The following NUDT5 variants were observed in gnomAD, a reference collection of about 807,000 sequenced individuals.
NUDT5 encodes the protein ADP-sugar pyrophosphatase.
NUDT5 carries 21 observed loss-of-function variants against 34.1 expected under a neutral mutation model. The ratio of observed to expected loss-of-function variants is 0.62; its 90% CI spans 0.44 to 0.89. The LOEUF (loss-of-function observed/expected upper bound fraction) is 0.89, where lower values mean the gene tolerates loss of function less well. Among genes scored for constraint, NUDT5 ranks in the 40% least tolerant of loss-of-function variants. The pLI, the probability that NUDT5 is intolerant of heterozygous loss-of-function variation, is 0.00. For missense variants in NUDT5, 249 were observed against 274.8 expected, an observed-to-expected ratio of 0.91 and a Z score of 0.66; for synonymous variants, 85 against 97.6, an observed-to-expected ratio of 0.87 and a Z score of 0.76.
Position 12,167,586 on chromosome 10 carries a change from TTTTA to T in NUDT5, c.*112_*115del. 1 of 999,750 alleles carries T rather than the reference TTTTA, an allele frequency of 1.0e-6. No individual in the cohort carries two copies. The highest frequency in any genetic ancestry group is 2.5e-5 in the East Asian group (1 of 40,500). 61.9% of individuals were successfully genotyped at this position (999,750 alleles called of 1,614,324 possible). ...TACCACCACCACATCTGTTCTGTGCTTTTATTTTACGAAAAAGCTAATGGCAAAT... is the reference window on the plus strand; with the variant it reads ...TACCACCACCACATCTGTTCTGTGCTTTTTACGAAAAAGCTAATGGCAAAT... On this transcript the variant is annotated 3_prime_UTR_variant, in exon 10 of 10. Coordinates refer to ENST00000491614, the MANE Select transcript of NUDT5 (RefSeq NM_014142.4).
intron 1 of NUDT5, among the ~76,000 whole-genome samples, chr10:12,186,621 TTTTTTTTTTTC>T (rs1390914107): frequency 7.9e-6 from 1 of 126,202 alleles, no homozygotes; most frequent in African/African-American, 2.9e-5. Flanking sequence ...GATTTTTCTT[TTTTTTTTTTTC>T]TTTTTTGTTT....
At chr10:12,188,478 A>G (rs567023394) in intron 1 of NUDT5, among the ~76,000 whole-genome samples, 83 of 152,316 alleles carry the variant, frequency 5.4e-4, no homozygotes, top group African/African-American at 2.0e-3. Flanking sequence ...CACGCCTACA[A>G]TCCCAGCACT....
chr10:12,194,886 G>C (rs1044896933), intron 1 of NUDT5, among the ~76,000 whole-genome samples: 1 of 58,338 alleles, frequency 1.7e-5, no homozygotes, highest in African/African-American at 7.7e-5. Flanking sequence ...GGTAGGCCCG[G>C]GGCCGTGGCT....
intron 1 of NUDT5, among the ~76,000 whole-genome samples, chr10:12,192,831 A>G (rs1376921964): frequency 6.6e-6 from 1 of 152,184 alleles, no homozygotes; most frequent in Non-Finnish European, 1.5e-5. Flanking sequence ...AGCCTGGGCG[A>G]CAGAGCGAGA....
chr10:12,177,316 G>C (rs549699131), intron 5 of NUDT5, among the ~76,000 whole-genome samples: 2 of 151,998 alleles, frequency 1.3e-5, no homozygotes, highest in South Asian at 4.2e-4. Flanking sequence ...TCAGGAGATC[G>C]AGACCATCCT....
Position 12,170,893 on chromosome 10 carries a change from A to G in NUDT5, c.496+7T>C. The stretch of plus-strand genomic sequence containing the variant: ...CACGCTCGGCCACCAGGAGTTGCAG[A>G]ACATACCTCCATCCCCTGGAAATAA... On this transcript the variant is annotated splice_region_variant and intron_variant, in intron 8 of 9. Transcript: ENST00000491614. The surrounding 1 kb of genome is among the most constrained non-coding windows in gnomAD (Gnocchi z 4.9). 2 of 1,613,978 alleles carry G rather than the reference A, an allele frequency of 1.2e-6. No individual in the cohort carries two copies. The highest frequency in any genetic ancestry group is 1.7e-6 in the Non-Finnish European group (2 of 1,179,918).
intron 2 of NUDT5, 58 bp from the exon 3 acceptor site, chr10:12,185,014 A>G: frequency 1.1e-6 from 1 of 910,380 alleles, no homozygotes; most frequent in Non-Finnish European, 1.8e-6. Context: ...TTTTTATCTA[A>G]AAGGGTTTTT....
chr10:12,185,909 G>A (rs1340453313), intron 2 of NUDT5, among the ~76,000 whole-genome samples: 1 of 152,166 alleles, frequency 6.6e-6, no homozygotes, highest in Admixed American at 6.6e-5. Flanking sequence ...CAGCCAAGTT[G>A]TGACAACTAC....
At chr10:12,190,606 C>CT (rs1013405393) in intron 1 of NUDT5, among the ~76,000 whole-genome samples, 3,939 of 127,964 alleles carry the variant, frequency 0.031, 166 homozygotes, top group African/African-American at 0.075. Flanking sequence ...ATGATAAAGC[C>CT]TTTTTTTTTT....
rs946904821 is a variant in NUDT5 at position 12,175,046 on chromosome 10, G to A, written c.290-1233C>T. ...ATTAAAAAATATAATAAGGCTGGGC[G>A]TGGCGGCCCACACCTGTAACCCCAG... On this transcript the variant is annotated intron_variant, in intron 5 of 9. Coordinates refer to ENST00000491614, the MANE Select transcript of NUDT5 (RefSeq NM_014142.4). This position sits in a 1 kb window ranked among gnomAD's most constrained non-coding sequence, Gnocchi z 4.8. Among the ~76,000 whole-genome samples the A allele has an allele frequency of 1.3e-5, 2 of 152,196 alleles. No homozygotes were observed. Among genetic ancestry groups the A allele is most frequent in the Non-Finnish European group, 2.9e-5 (2 of 68,042 alleles).
In NUDT5 at chr10:12,171,208, A is replaced by C. The variant is rs1834845666; in HGVS notation, c.488-300T>G. On this transcript the variant is annotated intron_variant, in intron 7 of 9. Coordinates refer to ENST00000491614, the MANE Select transcript of NUDT5 (RefSeq NM_014142.4). The surrounding 1 kb of genome is among the most constrained non-coding windows in gnomAD (Gnocchi z 4.2). Reference sequence around the variant, plus strand: ...TACCTTTTAACCACTATGAAGGTACAATTCAGTAGCATTAAATAACATTCA... The same window carrying C: ...TACCTTTTAACCACTATGAAGGTACCATTCAGTAGCATTAAATAACATTCA... 6.6e-6 allele frequency among the ~76,000 whole-genome samples: 1 copy of C among 152,218 alleles called. No homozygotes were observed. Among genetic ancestry groups the C allele is most frequent in the South Asian group, 2.1e-4 (1 of 4,828 alleles).
intron 3 of NUDT5, among the ~76,000 whole-genome samples, chr10:12,183,189 G>C (rs1040562963): frequency 5.9e-5 from 9 of 152,178 alleles, no homozygotes; most frequent in Admixed American, 4.6e-4. Flanking sequence ...AACATATGGT[G>C]CTCCCTAAGA....
At chr10:12,193,143 G>C (rs139064517) in intron 1 of NUDT5, among the ~76,000 whole-genome samples, 114 of 152,282 alleles carry the variant, frequency 7.5e-4, no homozygotes, top group African/African-American at 2.5e-3. Context: ...GTATAGTAAC[G>C]ACACTGTAAA....
intron 4 of NUDT5, 157 bp downstream of exon 4, chr10:12,178,926 A>G (rs1032281074): frequency 7.7e-6 from 5 of 649,986 alleles, no homozygotes; most frequent in Non-Finnish European, 1.4e-5. Flanking sequence ...TTACTTATAA[A>G]GAAAGCTTAA....
In NUDT5 at chr10:12,187,626, G is replaced by A. The variant is rs943893597; in HGVS notation, c.-41-1294C>T. ...ATTGCTTAGTTGTCTTACTTCTGGTGCTGCTGTTGAGAAGTCCAAAGCTAT... is the reference window on the plus strand; with the variant it reads ...ATTGCTTAGTTGTCTTACTTCTGGTACTGCTGTTGAGAAGTCCAAAGCTAT... On this transcript the variant is annotated intron_variant, in intron 1 of 9. Coordinates refer to ENST00000491614, the MANE Select transcript of NUDT5 (RefSeq NM_014142.4). This position sits in a 1 kb window ranked among gnomAD's most constrained non-coding sequence, Gnocchi z 5.4. Among the ~76,000 whole-genome samples, 1 of 152,102 alleles carries A rather than the reference G, an allele frequency of 6.6e-6. No homozygotes were observed. The highest frequency in any genetic ancestry group is 1.5e-5 in the Non-Finnish European group (1 of 68,020).
At position 12,173,868 on chromosome 10, in the gene NUDT5, C is replaced by T. The variant is rs1296580135; in HGVS notation, c.290-55G>A. 6 of 1,250,132 alleles carry T rather than the reference C, an allele frequency of 4.8e-6. No homozygotes were observed. Among genetic ancestry groups the T allele is most frequent in the South Asian group, 1.3e-5 (1 of 79,222 alleles). 77.4% of individuals were successfully genotyped at this position (1,250,132 alleles called of 1,614,324 possible). On this transcript the variant is annotated intron_variant, in intron 5 of 9. Coordinates refer to ENST00000491614, the MANE Select transcript of NUDT5 (RefSeq NM_014142.4). This position sits in a 1 kb window ranked among gnomAD's most constrained non-coding sequence, Gnocchi z 4.7. ...AGCGGGAAATCCGGTTCTTTAAACC[C>T]TCCTTTTTTTTTTTTTGAGATGGAG...
Position 12,170,992 on chromosome 10 carries a change from G to C in NUDT5, c.488-84C>G. 6.9e-7 allele frequency: 1 copy of C among 1,450,960 alleles called. No homozygotes were observed. The highest frequency in any genetic ancestry group is 1.2e-5 in the South Asian group (1 of 81,008). The allele number at this position is 1,450,960 out of a possible 1,614,324, so 89.9% of individuals were successfully genotyped here. On this transcript the variant is annotated intron_variant, in intron 7 of 9. Coordinates refer to ENST00000491614, the MANE Select transcript of NUDT5 (RefSeq NM_014142.4). The surrounding 1 kb of genome is among the most constrained non-coding windows in gnomAD (Gnocchi z 4.9). ...CTTTTATACAAGAGGCGTCAAAAAG[G>C]CTTTGAGAATTTCACAGAAGCCTGG...
chr10:12,187,500 C>T lies in NUDT5; in HGVS notation c.-41-1168G>A, dbSNP rs981557328. Among the ~76,000 whole-genome samples, 1 of 152,102 alleles carries T rather than the reference C, an allele frequency of 6.6e-6. No homozygotes were observed. The highest frequency in any genetic ancestry group is 1.5e-5 in the Non-Finnish European group (1 of 67,994). ...CCTTCATTTTCGGACCTTGCCTGTC[C>T]GAAGGTCAAAGTCTTTTTTTCTTAC... On this transcript the variant is annotated intron_variant, in intron 1 of 9. Transcript: ENST00000491614. This position sits in a 1 kb window ranked among gnomAD's most constrained non-coding sequence, Gnocchi z 5.4.
chr10:12,186,618 C>CT lies in NUDT5; in HGVS notation c.-41-287dup, dbSNP rs201888699. Among the ~76,000 whole-genome samples the CT allele has an allele frequency of 6.5e-3, 785 of 120,310 alleles. 1 individual carries two copies. Among genetic ancestry groups the CT allele is most frequent in the Non-Finnish European group, 8.6e-3 (478 of 55,306 alleles). The allele number at this position is 120,310 out of a possible 152,430, so 78.9% of individuals were successfully genotyped here. A position where few individuals can be genotyped will look rare whatever the true frequency, so the allele number is the denominator to read the frequency against. ...GGCCACCCTTCTTCATCAGATTTTTCTTTTTTTTTTTTTCTTTTTTGTTTT... is the reference window on the plus strand; with the variant it reads ...GGCCACCCTTCTTCATCAGATTTTTCTTTTTTTTTTTTTTCTTTTTTGTTTT... On this transcript the variant is annotated intron_variant, in intron 1 of 9. Transcript: ENST00000491614.
Sources: allele counts gnomAD v4.1 joint callset (sites outside exome capture counted in the v4.1 genomes callset), GRCh38; gene constraint gnomAD v4.1.1; non-coding constraint Gnocchi (gnomAD v3.1); transcripts MANE v1.5; gene names NCBI Gene and HGNC (gene_info 2026-07-23, HGNC 2026-07-21).